The following ASB4 variants were observed in gnomAD, a reference collection of about 807,000 sequenced individuals.
ASB4 encodes ankyrin repeat and SOCS box containing 4, also known as ankyrin repeat and SOCS box protein 4.
Under a neutral mutation model 38.6 loss-of-function variants are expected in ASB4, and 35 were observed. That is an observed-to-expected ratio of 0.91 (90% confidence interval 0.69 to 1.20). The LOEUF (loss-of-function observed/expected upper bound fraction) is 1.20, where lower values mean the gene tolerates loss of function less well. Ranked by LOEUF, ASB4 falls within the 50% of genes most tolerant of loss-of-function variation. The pLI, the probability that ASB4 is intolerant of heterozygous loss-of-function variation, is 0.00. For missense variants in ASB4, 557 were observed against 527.2 expected, an observed-to-expected ratio of 1.06 and a Z score of -0.55; for synonymous variants, 195 against 201.3, an observed-to-expected ratio of 0.97 and a Z score of 0.26.
intron 1 of ASB4, among the ~76,000 whole-genome samples, chr7:95,493,591 A>C (rs1010696717): frequency 1.3e-5 from 2 of 152,154 alleles, no homozygotes; most frequent in Admixed American, 1.3e-4. Flanking sequence ...TTAAAAAGCA[A>C]TACATGCACA....
intron 3 of ASB4, among the ~76,000 whole-genome samples, chr7:95,532,210 T>A (rs1790828070): frequency 6.6e-6 from 1 of 152,204 alleles, no homozygotes; most frequent in Non-Finnish European, 1.5e-5. Context: ...TGATTCGTTC[T>A]TGTGTGGATG....
At chr7:95,521,805 A>G (rs1169916938) in intron 2 of ASB4, among the ~76,000 whole-genome samples, 2 of 152,118 alleles carry the variant, frequency 1.3e-5, no homozygotes, top group Non-Finnish European at 2.9e-5. Flanking sequence ...TATTTTTTAA[A>G]TGGATACACA....
the ASB4 span, among the ~76,000 whole-genome samples, chr7:95,470,903 A>G: frequency 6.6e-6 from 1 of 152,230 alleles, no homozygotes; most frequent in African/African-American, 2.4e-5. Context: ...AAATTAACAT[A>G]ATAACTCTCC....
chr7:95,524,015 A>G (rs117050469), intron 2 of ASB4, among the ~76,000 whole-genome samples: 1,991 of 152,322 alleles, frequency 0.013, 59 homozygotes, highest in Admixed American at 0.056. Flanking sequence ...GATGTAATAC[A>G]ATGAGAAACC....
chr7:95,509,910 T>G (rs568339549), intron 2 of ASB4, among the ~76,000 whole-genome samples: 1 of 152,150 alleles, frequency 6.6e-6, no homozygotes, highest in East Asian at 1.9e-4. Flanking sequence ...TTCAAGCAGA[T>G]CAAATTTTAT....
upstream of ASB4, among the ~76,000 whole-genome samples, chr7:95,475,206 T>C (rs1321537064): frequency 6.6e-6 from 1 of 152,132 alleles, no homozygotes; most frequent in Non-Finnish European, 1.5e-5. Flanking sequence ...GCTGTCATAA[T>C]CCAGGCTGTC....
At chr7:95,516,922 C>T (rs564569001) in intron 2 of ASB4, among the ~76,000 whole-genome samples, 2 of 152,298 alleles carry the variant, frequency 1.3e-5, no homozygotes, top group Admixed American at 6.5e-5. Context: ...TCACTTTCAG[C>T]TTGGTATCTC....
At chr7:95,509,426 G>A (rs1414954542) in intron 2 of ASB4, among the ~76,000 whole-genome samples, 3 of 152,110 alleles carry the variant, frequency 2.0e-5, no homozygotes, top group African/African-American at 4.8e-5. Flanking sequence ...CCATGTCTCC[G>A]GGCTCATTAA....
intron 2 of ASB4, among the ~76,000 whole-genome samples, chr7:95,496,387 G>A (rs1790248669): frequency 6.6e-6 from 1 of 151,914 alleles, no homozygotes; most frequent in African/African-American, 2.4e-5. Context: ...TTCTAATAAG[G>A]GAGACAAATA....
downstream of ASB4, among the ~76,000 whole-genome samples, chr7:95,541,960 C>T (rs561102919): frequency 4.9e-4 from 75 of 151,854 alleles, no homozygotes; most frequent in Non-Finnish European, 9.9e-4. Flanking sequence ...CCAGCTCCTC[C>T]GGAGGCTGAG....
Position 95,539,853 on chromosome 7 carries a change from C to A in ASB4, c.*2094C>A, listed in dbSNP as rs534539347. On this transcript the variant is annotated 3_prime_UTR_variant, in exon 5 of 5. Transcript: ENST00000325885. ...CCACTAAAGAATGTATCCATGTAACCAAAAACCACCTGTACCCCCAAAACT... is the reference window on the plus strand; with the variant it reads ...CCACTAAAGAATGTATCCATGTAACAAAAAACCACCTGTACCCCCAAAACT... The A allele has an allele frequency of 2.6e-5, 4 of 152,232 alleles. No individual in the cohort carries two copies. Among genetic ancestry groups the A allele is most frequent in the African/African-American group, 9.6e-5 (4 of 41,530 alleles). 9.4% of individuals were successfully genotyped at this position (152,232 alleles called of 1,614,324 possible).
rs1488686410 is a variant in ASB4 at position 95,527,966 on chromosome 7, T to C, written c.641T>C (p.Ile214Thr). ...GCCCACATGGAGACCCCCCTGGCCA[T>C]CGCCGCCTACTGGGCCCTCCGCTTT... Reference protein sequence around the residue: ...VNAHMETPLAIAAYWALRFKE... With the variant: ...VNAHMETPLATAAYWALRFKE... The change falls in exon 3 of 5, where the codon ATC becomes ACC. Residue 214 changes from isoleucine to threonine, a missense_variant. By Grantham distance (89) the Ile-to-Thr change is moderately conservative. Coordinates refer to ENST00000325885, the MANE Select transcript of ASB4 (RefSeq NM_016116.3). 6.2e-7 allele frequency: 1 copy of C among 1,614,074 alleles called. No individual in the cohort carries two copies.
chr7:95,502,316 A>T (rs919708361), intron 2 of ASB4, among the ~76,000 whole-genome samples: 2 of 151,528 alleles, frequency 1.3e-5, no homozygotes, highest in Non-Finnish European at 2.9e-5. Context: ...CATACAAAAG[A>T]TAATACATAT....
chr7:95,527,715 G>A, intron 2 of ASB4, 98 bp from the exon 3 acceptor site: 5 of 1,204,506 alleles, frequency 4.2e-6, no homozygotes, highest in Non-Finnish European at 5.7e-6. Flanking sequence ...GCAGTCAGAA[G>A]TTAAAAGAGA....
intron 1 of ASB4, among the ~76,000 whole-genome samples, chr7:95,490,243 C>T (rs755952574): frequency 2.0e-5 from 3 of 152,190 alleles, no homozygotes; most frequent in Non-Finnish European, 2.9e-5. Flanking sequence ...CTTATTTCCA[C>T]TCTCTGAATG....
At chr7:95,550,429 G>A in the ASB4 span, among the ~76,000 whole-genome samples, 1 of 152,260 alleles carries the variant, frequency 6.6e-6, no homozygotes, top group South Asian at 2.1e-4. Flanking sequence ...GACAAGCAAG[G>A]CTTCTCTCCT....
At position 95,486,111 on chromosome 7, in the gene ASB4, T is replaced by C. The variant is rs748752076; in HGVS notation, c.140T>C (p.Val47Ala). Reference sequence around the variant, plus strand: ...CAAAGGCAAATAGATGTGGACACTGTTTTTGAAGTCGAAGATGAGAATATG... The same window carrying C: ...CAAAGGCAAATAGATGTGGACACTGCTTTTGAAGTCGAAGATGAGAATATG... ...LIQRQIDVDT[V>A]FEVEDENMVL... The change falls in exon 1 of 5, where the codon GTT (valine) becomes GCT (alanine). Residue 47 changes from valine to alanine, a missense_variant. Coordinates refer to ENST00000325885, the MANE Select transcript of ASB4 (RefSeq NM_016116.3). 1.4e-5 allele frequency: 23 copies of C among 1,613,994 alleles called. No homozygotes were observed. In the Middle Eastern group the frequency reaches 5.0e-4, roughly 35 times the overall value.
chr7:95,521,226 A>G (rs932204390), intron 2 of ASB4, among the ~76,000 whole-genome samples: 3 of 152,084 alleles, frequency 2.0e-5, no homozygotes, highest in African/African-American at 7.2e-5. Flanking sequence ...TTCCTTTTTG[A>G]ATATGACCTT....
At chr7:95,544,115 G>A (rs1791004293), downstream of ASB4, 1 of 151,914 alleles carries the variant, frequency 6.6e-6, no homozygotes, top group African/African-American at 2.4e-5. Context: ...AATTTACTCT[G>A]GAGCAACAAA....
Sources: gnomAD v4.1 joint callset for allele counts (sites outside exome capture counted in the v4.1 genomes callset) on GRCh38, gnomAD v4.1.1 for gene constraint, MANE v1.5 for transcripts, NCBI Gene and HGNC (gene_info 2026-07-23, HGNC 2026-07-21) for gene names.